Variants in PARP12 observed in about 807,000 individuals in gnomAD.
The protein encoded by PARP12 is protein mono-ADP-ribosyltransferase PARP12.
Under a neutral mutation model 72.4 loss-of-function variants are expected in PARP12, and 59 were observed. The ratio of observed to expected loss-of-function variants is 0.81; its 90% confidence interval spans 0.66 to 1.01. PARP12 has a LOEUF of 1.01. PARP12 is among the 50% of genes least tolerant of loss of function. PARP12 has a pLI of 0.00. For synonymous variants in PARP12, 403 were observed against 371.4 expected (o/e 1.09, Z -0.98); for missense variants, 851 against 914.0 (o/e 0.93, Z 0.89).
intron 4 of PARP12, among the ~76,000 whole-genome samples, chr7:140,049,350 G>A (rs1020835819): frequency 1.3e-5 from 2 of 152,194 alleles, no homozygotes; most frequent in African/African-American, 4.8e-5. Flanking sequence ...GGAACCTCTT[G>A]AACTCTCTCA....
At chr7:140,035,116 A>G (rs191825675) in intron 7 of PARP12, among the ~76,000 whole-genome samples, 97 of 152,338 alleles carry the variant, frequency 6.4e-4, no homozygotes, top group African/African-American at 2.3e-3. Context: ...ATTAAAAATT[A>G]TAGGTGTCCA....
intron 4 of PARP12, among the ~76,000 whole-genome samples, chr7:140,048,309 C>T (rs1407071594): frequency 6.6e-6 from 1 of 152,156 alleles, no homozygotes; most frequent in Non-Finnish European, 1.5e-5. Context: ...CAGCCAGATC[C>T]TCACTTCTCT....
chr7:140,029,414 C>G (rs6464503), intron 8 of PARP12, among the ~76,000 whole-genome samples: 12,589 of 152,246 alleles, frequency 0.083, 828 homozygotes, highest in African/African-American at 0.19. Flanking sequence ...TCAGAATACA[C>G]TGTTCTTTCT....
chr7:140,027,081 C>T (rs564777476), intron 10 of PARP12, among the ~76,000 whole-genome samples, 195 bp downstream of exon 10: 1 of 152,248 alleles, frequency 6.6e-6, no homozygotes, highest in South Asian at 2.1e-4. Flanking sequence ...GCCTCGGTGC[C>T]CTCATCTCTA....
At chr7:140,047,483 C>T (rs1465795828) in intron 4 of PARP12, among the ~76,000 whole-genome samples, 1 of 152,228 alleles carries the variant, frequency 6.6e-6, no homozygotes. Flanking sequence ...CCTTGACAAC[C>T]TGGACTTCTC....
chr7:140,024,241 C>G lies in PARP12; in HGVS notation c.*319G>C. On this transcript the variant is annotated 3_prime_UTR_variant, in exon 12 of 12. Coordinates refer to ENST00000263549, the MANE Select transcript of PARP12 (RefSeq NM_022750.4). Reference sequence around the variant, plus strand: ...AAACTCATAAAAATTAAAACCAATCCATAAAATTGTATCTAGAAACTCTGT... The same window carrying G: ...AAACTCATAAAAATTAAAACCAATCGATAAAATTGTATCTAGAAACTCTGT... 2.8e-6 allele frequency: 1 copy of G among 363,120 alleles called. No individual in the cohort carries two copies. 22.5% of individuals were successfully genotyped at this position (363,120 alleles called of 1,614,324 possible). A position where few individuals can be genotyped will look rare whatever the true frequency, so the allele number is the denominator to read the frequency against.
Position 140,023,977 on chromosome 7 carries a change from AG to A in PARP12, c.*582del. The A allele has an allele frequency of 6.0e-6, 1 of 167,754 alleles. No individual in the cohort carries two copies. Among genetic ancestry groups the A allele is most frequent in the Non-Finnish European group, 1.3e-5 (1 of 76,016 alleles). 10.4% of individuals were successfully genotyped at this position (167,754 alleles called of 1,614,324 possible). A position where few individuals can be genotyped will look rare whatever the true frequency, so the allele number is the denominator to read the frequency against. On this transcript the variant is annotated 3_prime_UTR_variant, in exon 12 of 12. Transcript: ENST00000263549. ...GGCAATGGGTGACCCTCCCAGGACA[AG>A]GGGAACCAGCAGGGACTCGATGGCA...
chr7:140,046,757 T>TGTCA, intron 5 of PARP12, 127 bp downstream of exon 5: 1 of 833,544 alleles, frequency 1.2e-6, no homozygotes, highest in Non-Finnish European at 1.8e-6. Flanking sequence ...TGTGTGTGTG[T>TGTCA]CACACACAGA....
intron 5 of PARP12, 73 bp downstream of exon 5, chr7:140,046,811 T>TGA (rs1816748821): frequency 7.1e-7 from 1 of 1,401,578 alleles, no homozygotes; most frequent in Non-Finnish European, 9.8e-7. Context: ...TGTGTGTGTG[T>TGA]GTGTGTGTGT....
At chr7:140,051,460 G>A (rs1024594585) in intron 4 of PARP12, among the ~76,000 whole-genome samples, 4 of 151,314 alleles carry the variant, frequency 2.6e-5, no homozygotes, top group African/African-American at 4.9e-5. Context: ...GCACGGTCTC[G>A]GCTCACCGCA....
chr7:140,025,005 C>T (rs1239630577), intron 11 of PARP12, 120 bp from the exon 12 acceptor site: 2 of 786,178 alleles, frequency 2.5e-6, no homozygotes, highest in Non-Finnish European at 4.1e-6. Context: ...CACCCCGCAT[C>T]TCCCTCCCTC....
At chr7:140,038,153 C>A in intron 6 of PARP12, 1 of 985,410 alleles carries the variant, frequency 1.0e-6, no homozygotes, top group Non-Finnish European at 1.2e-6. Flanking sequence ...ACAGAGGACA[C>A]GGCAGCCATT....
Position 140,042,734 on chromosome 7 carries a change from A to C in PARP12, c.987-895T>G, listed in dbSNP as rs545717032. Among the ~76,000 whole-genome samples the C allele has an allele frequency of 1.3e-4, 20 of 152,362 alleles. No individual in the cohort carries two copies. The South Asian group carries it at 3.9e-3, about 30-fold the overall frequency. On this transcript the variant is annotated intron_variant, in intron 5 of 11. Transcript: ENST00000263549. The stretch of plus-strand genomic sequence containing the variant: ...CTGTATTAATGTTGGTTCTGGATAA[A>C]GGAGGAAAAAATTCCTCTGAGAACT...
intron 7 of PARP12, among the ~76,000 whole-genome samples, chr7:140,037,466 T>C (rs946738588): frequency 6.6e-6 from 1 of 152,240 alleles, no homozygotes; most frequent in African/African-American, 2.4e-5. Context: ...CTGACCCTGC[T>C]TGTCCTCCAC....
intron 7 of PARP12, among the ~76,000 whole-genome samples, chr7:140,034,977 G>T (rs1816092241): frequency 6.6e-6 from 1 of 151,998 alleles, no homozygotes; most frequent in Non-Finnish European, 1.5e-5. Context: ...CTTTTGCTTT[G>T]TTGCTCAAGT....
intron 4 of PARP12, among the ~76,000 whole-genome samples, chr7:140,053,805 T>C (rs10245390): frequency 0.054 from 8,258 of 152,182 alleles, 277 homozygotes; most frequent in South Asian, 0.12. Context: ...AAAAAAAATC[T>C]CCAAGATACA....
chr7:140,033,631 T>C (rs1425078587), intron 8 of PARP12: 11 of 985,290 alleles, frequency 1.1e-5, no homozygotes, highest in Non-Finnish European at 1.3e-5. Flanking sequence ...GAGGTTGAGA[T>C]AGGGTCTGAT....
chr7:140,061,249 A>G (rs1340291794), intron 1 of PARP12, among the ~76,000 whole-genome samples: 1 of 152,100 alleles, frequency 6.6e-6, no homozygotes, highest in Non-Finnish European at 1.5e-5. Flanking sequence ...CTGGCCCACA[A>G]AAACCTCCCA....
intron 7 of PARP12, 33 bp downstream of exon 7, chr7:140,037,682 G>A: frequency 6.2e-7 from 1 of 1,608,692 alleles, no homozygotes; most frequent in South Asian, 1.1e-5. Flanking sequence ...AACACAGGCA[G>A]GCTCTGCTGG....
Sources: allele counts gnomAD v4.1 joint callset (sites outside exome capture counted in the v4.1 genomes callset), GRCh38; gene constraint gnomAD v4.1.1; transcripts MANE v1.5; gene names NCBI Gene and HGNC (gene_info 2026-07-23, HGNC 2026-07-21).